Variants in PTCD3 observed in about 807,000 individuals in gnomAD.
The protein encoded by PTCD3 is pentatricopeptide repeat domain 3.
In PTCD3, 89 loss-of-function variants were observed where a neutral mutation model predicts 101.9. That is an observed-to-expected ratio of 0.87 (90% CI 0.74 to 1.04). PTCD3 has a LOEUF of 1.04. PTCD3 is among the 50% of genes least tolerant of loss of function. The probability of loss-of-function intolerance (pLI) is 0.00; values close to 1 mark genes in which losing one functional copy is unlikely to be tolerated. For synonymous variants in PTCD3, 296 were observed against 278.5 expected, an observed-to-expected ratio of 1.06 and a Z score of -0.63; for missense variants, 870 against 828.2, an observed-to-expected ratio of 1.05 and a Z score of -0.62.
Position 86,134,315 on chromosome 2 carries a change from T to A in PTCD3, c.1567T>A (p.Phe523Ile). ...WKDSKEYGHT[F>I]RSDLREEILM... ...AGATAGTAAAGAATATGGTCATACT[T>A]TCCGCAGTGACCTGAGAGAAGAGAT... is the stretch of plus-strand genomic sequence containing the variant. The change falls in exon 20 of 24, where the codon TTC becomes ATC. Residue 523 changes from phenylalanine to isoleucine, a missense_variant. Phe to Ile is a conservative substitution (Grantham distance 21). Transcript: ENST00000254630. 1 of 1,612,722 alleles carries A rather than the reference T, an allele frequency of 6.2e-7. No homozygotes were observed. Among genetic ancestry groups the A allele is most frequent in the South Asian group, 1.1e-5 (1 of 91,026 alleles).
chr2:86,125,181 G>A (rs1674360998), intron 10 of PTCD3, 99 bp downstream of exon 10: 1 of 1,518,500 alleles, frequency 6.6e-7, no homozygotes. Flanking sequence ...TTGTTGTGGG[G>A]TCTGTCCTGT....
chr2:86,142,012 C>CA lies in PTCD3; in HGVS notation c.*4454dup, dbSNP rs1558803240. ...GAAGGAAAATACAGGCCTGGCCAAG[C>CA]AGGGTCCCCTTTTCGGTATCATCTT... On this transcript the variant is annotated 3_prime_UTR_variant, in exon 24 of 24. Transcript: ENST00000254630. 1 of 151,646 alleles carries CA rather than the reference C, an allele frequency of 6.6e-6. No individual in the cohort carries two copies. Among genetic ancestry groups the CA allele is most frequent in the African/African-American group, 2.4e-5 (1 of 41,266 alleles). 9.4% of individuals were successfully genotyped at this position (151,646 alleles called of 1,614,324 possible).
At chr2:86,116,846 G>A (rs910778340) in intron 5 of PTCD3, among the ~76,000 whole-genome samples, 12 of 152,246 alleles carry the variant, frequency 7.9e-5, no homozygotes, top group Non-Finnish European at 1.8e-4. Flanking sequence ...TAAATGGCTT[G>A]CTTTTTATAT....
intron 3 of PTCD3, among the ~76,000 whole-genome samples, chr2:86,109,890 G>T (rs1305777948): frequency 6.6e-6 from 1 of 152,214 alleles, no homozygotes; most frequent in Non-Finnish European, 1.5e-5. Flanking sequence ...GTAGACACAT[G>T]CAGAATGACA....
chr2:86,127,762 T>C, intron 13 of PTCD3, 179 bp from the exon 14 acceptor site: 2 of 600,848 alleles, frequency 3.3e-6, no homozygotes, highest in Non-Finnish European at 2.9e-6. Flanking sequence ...GTCTTTGTGA[T>C]AGTTTTTTAC....
At chr2:86,119,637 T>A (rs1264990860) in intron 7 of PTCD3, 1 of 152,482 alleles carries the variant, frequency 6.6e-6, no homozygotes, top group Non-Finnish European at 1.5e-5. Context: ...ATTACAGGCG[T>A]GAGCCACCGC....
At chr2:86,116,831 C>T (rs1674186612) in intron 5 of PTCD3, among the ~76,000 whole-genome samples, 1 of 152,152 alleles carries the variant, frequency 6.6e-6, no homozygotes, top group Non-Finnish European at 1.5e-5. Context: ...GTGACCCACT[C>T]AGTTTAAATG....
chr2:86,132,414 A>C lies in PTCD3; in HGVS notation c.1363A>C (p.Asn455His). 1 of 1,581,870 alleles carries C rather than the reference A, an allele frequency of 6.3e-7. No individual in the cohort carries two copies. Among genetic ancestry groups the C allele is most frequent in the Non-Finnish European group, 8.7e-7 (1 of 1,151,378 alleles). The change falls in exon 17 of 24, where the codon AAT becomes CAT. Residue 455 changes from asparagine (N) to histidine (H), a missense_variant. Physicochemically the swap from Asn to His is moderately conservative, Grantham distance 68. Transcript: ENST00000254630. The stretch of plus-strand genomic sequence containing the variant: ...ATTCATTGGACCTGATCAACATCGT[A>C]ATTTCTATTAGTAAGTGTGTTGGAA... Reference protein sequence around the residue: ...WKFIGPDQHRNFYYSKFFDLI... With the variant: ...WKFIGPDQHRHFYYSKFFDLI...
intron 12 of PTCD3, 93 bp from the exon 13 acceptor site, chr2:86,127,068 C>A: frequency 8.5e-7 from 1 of 1,173,628 alleles, no homozygotes; most frequent in Non-Finnish European, 1.2e-6. Flanking sequence ...TAAACATAAG[C>A]AAGAAAGCTA....
chr2:86,121,051 A>G (rs1416563395), intron 7 of PTCD3, among the ~76,000 whole-genome samples: 2 of 152,198 alleles, frequency 1.3e-5, no homozygotes, highest in Admixed American at 6.5e-5. Context: ...CAATTATGCT[A>G]GTATTTCTAG....
Position 86,113,720 on chromosome 2 carries a change from A to G in PTCD3, c.240+2562A>G, listed in dbSNP as rs1674129053. On this transcript the variant is annotated intron_variant, in intron 4 of 23. Transcript: ENST00000254630. ...TACTTGGGAGGCTGAGGTGAGGCTC[A>G]CTTGATCCTGGGAGGTGGAGGTGGA... Among the ~76,000 whole-genome samples, 3 of 152,112 alleles carry G rather than the reference A, an allele frequency of 2.0e-5. No individual in the cohort carries two copies. The South Asian group carries it at 6.2e-4, about 32-fold the overall frequency.
Position 86,140,814 on chromosome 2 carries a change from C to CA in PTCD3, c.*3256dup, listed in dbSNP as rs1491128115. The CA allele has an allele frequency of 1.3e-5, 2 of 151,142 alleles. No homozygotes were observed. Among genetic ancestry groups the CA allele is most frequent in the South Asian group, 4.2e-4 (2 of 4,754 alleles). 9.4% of individuals were successfully genotyped at this position (151,142 alleles called of 1,614,324 possible). A position where few individuals can be genotyped will look rare whatever the true frequency, so the allele number is the denominator to read the frequency against. Reference sequence around the variant, plus strand: ...GCTGTCCAGGCCAGGCACAGTGGCTCACACCTGTAATCCCAGGACTTCGGG... The same window carrying CA: ...GCTGTCCAGGCCAGGCACAGTGGCTCAACACCTGTAATCCCAGGACTTCGGG... On this transcript the variant is annotated 3_prime_UTR_variant, in exon 24 of 24. Coordinates refer to ENST00000254630, the MANE Select transcript of PTCD3 (RefSeq NM_017952.6).
At position 86,115,984 on chromosome 2, in the gene PTCD3, C is replaced by T. The variant is rs147519094; in HGVS notation, c.241-546C>T. Among the ~76,000 whole-genome samples the T allele has an allele frequency of 3.9e-3, 592 of 152,272 alleles. 5 individuals carry two copies. The highest frequency in any genetic ancestry group is 0.013 in the African/African-American group (554 of 41,552). On this transcript the variant is annotated intron_variant, in intron 4 of 23. Transcript: ENST00000254630. ...GATGATTCTTACCTAGAGTTTAAAA[C>T]AGTCCCCAGTGGTAGCAAACTTAAA... is the stretch of plus-strand genomic sequence containing the variant.
intron 17 of PTCD3, 163 bp from the exon 18 acceptor site, chr2:86,133,015 A>G: frequency 8.8e-7 from 1 of 1,136,412 alleles, no homozygotes; most frequent in Non-Finnish European, 1.2e-6. Context: ...AGAAGTCAGC[A>G]CACACTGGCA....
chr2:86,124,861 C>G, intron 9 of PTCD3, 134 bp from the exon 10 acceptor site: 1 of 1,260,742 alleles, frequency 7.9e-7, no homozygotes, highest in Non-Finnish European at 1.1e-6. Context: ...AACCATAATA[C>G]CCTGTAAGAA....
At chr2:86,110,770 A>C (rs1674063669) in intron 3 of PTCD3, among the ~76,000 whole-genome samples, 1 of 152,220 alleles carries the variant, frequency 6.6e-6, no homozygotes, top group African/African-American at 2.4e-5. Flanking sequence ...AGGATAGTAA[A>C]GGCAACAGTA....
At chr2:86,118,434 C>T (rs1674217612) in intron 6 of PTCD3, among the ~76,000 whole-genome samples, 1 of 152,208 alleles carries the variant, frequency 6.6e-6, no homozygotes, top group Non-Finnish European at 1.5e-5. Flanking sequence ...TCCCAAAGCT[C>T]ACAGGGAAAC....
chr2:86,106,416 C>G, intron 1 of PTCD3, 65 bp downstream of exon 1: 1 of 1,517,206 alleles, frequency 6.6e-7, no homozygotes, highest in Non-Finnish European at 9.0e-7. Context: ...TGTTTCCCAG[C>G]TGGCTGTGGA....
rs1674426191 is a variant in PTCD3 at position 86,127,959 on chromosome 2, A to G, written c.1115A>G (p.Tyr372Cys). The G allele has an allele frequency of 6.2e-6, 10 of 1,610,822 alleles. No homozygotes were observed. The highest frequency in any genetic ancestry group is 7.6e-6 in the Non-Finnish European group (9 of 1,177,192). ...ATTTGAGAACCCTCGCTTGCAACAT[A>G]TCACCATATTATTCGCCTGTTTGAT... The part of the protein sequence containing the change: ...AIGIEPSLAT[Y>C]HHIIRLFDQP... The change falls in exon 14 of 24, where the codon TAT becomes TGT. Residue 372 changes from tyrosine to cysteine, a missense_variant. Transcript: ENST00000254630.
Sources: allele counts gnomAD v4.1 joint callset (sites outside exome capture counted in the v4.1 genomes callset), GRCh38; gene constraint gnomAD v4.1.1; transcripts MANE v1.5; gene names NCBI Gene and HGNC (gene_info 2026-07-23, HGNC 2026-07-21).